The following CCNJL variants were observed in gnomAD, a reference collection of about 807,000 sequenced individuals.
The protein encoded by CCNJL is cyclin-J-like protein.
CCNJL carries 33 observed loss-of-function variants against 33.4 expected under a neutral mutation model. The observed-to-expected ratio is 0.99, with a 90% CI of 0.75 to 1.32. CCNJL has a LOEUF of 1.32. Among genes scored for constraint, CCNJL ranks in the 40% most tolerant of loss-of-function variants. The pLI, the probability that CCNJL is intolerant of heterozygous loss-of-function variation, is 0.00. For missense variants in CCNJL, 512 were observed against 499.7 expected, an observed-to-expected ratio of 1.02 and a Z score of -0.23; for synonymous variants, 227 against 220.9, an observed-to-expected ratio of 1.03 and a Z score of -0.24.
At chr5:160,330,694 C>T (rs1049027973) in intron 1 of CCNJL, among the ~76,000 whole-genome samples, 22 of 151,526 alleles carry the variant, frequency 1.5e-4, no homozygotes, top group Non-Finnish European at 2.4e-4. Flanking sequence ...GACAGAGTCT[C>T]CCTCTGTTAC....
At position 160,251,684 on chromosome 5, in the gene CCNJL, T is replaced by C. The variant is rs1128091; in HGVS notation, c.*1694A>G. On this transcript the variant is annotated 3_prime_UTR_variant, in exon 6 of 6. Coordinates refer to ENST00000257536, the MANE Select transcript of CCNJL (RefSeq NM_001308173.3). ...TCAAGAGCAGGTGACGTGTTTATTG[T>C]GGGACGCCTCTTTCTGGGGGTCGTG... is the stretch of plus-strand genomic sequence containing the variant. 6.6e-6 allele frequency: 1 copy of C among 152,144 alleles called. No individual in the cohort carries two copies. The allele number at this position is 152,144 out of a possible 1,614,324, so 9.4% of individuals were successfully genotyped here. A position where few individuals can be genotyped will look rare whatever the true frequency, so the allele number is the denominator to read the frequency against.
chr5:160,257,276 C>T (rs1443122538), intron 4 of CCNJL, among the ~76,000 whole-genome samples: 1 of 151,274 alleles, frequency 6.6e-6, no homozygotes, highest in East Asian at 2.0e-4. Context: ...GAGATCGAGA[C>T]CATCCTGGCT....
intron 3 of CCNJL, among the ~76,000 whole-genome samples, chr5:160,270,647 T>C (rs1246222553): frequency 6.6e-6 from 1 of 152,212 alleles, no homozygotes; most frequent in Non-Finnish European, 1.5e-5. Flanking sequence ...GGCTAGGATT[T>C]ACCCTCCACC....
In CCNJL at chr5:160,280,572, G is replaced by A. The variant is rs763372251; in HGVS notation, c.233C>T (p.Thr78Ile). The A allele has an allele frequency of 1.9e-6, 3 of 1,613,536 alleles. No individual in the cohort carries two copies. The highest frequency in any genetic ancestry group is 2.5e-6 in the Non-Finnish European group (3 of 1,180,032). Residue 78 changes from threonine to isoleucine, a missense_variant, in exon 3 of 6, where the codon ACC becomes ATC. Coordinates refer to ENST00000257536, the MANE Select transcript of CCNJL (RefSeq NM_001308173.3). ...DHFMDRYNVT[T>I]SKQLYTVAVS... is the part of the protein sequence containing the mutation. ...GGCCACGGTGTAGAGCTGCTTGGAGGTGGTGACGTTGTAGCGATCCATGAA... is the reference window on the plus strand; with the variant it reads ...GGCCACGGTGTAGAGCTGCTTGGAGATGGTGACGTTGTAGCGATCCATGAA...
chr5:160,280,518 C>T lies in CCNJL; in HGVS notation c.280+7G>A, dbSNP rs780953085. 3.7e-6 allele frequency: 6 copies of T among 1,610,106 alleles called. No individual in the cohort carries two copies. The East Asian group carries it at 6.7e-5, about 18-fold the overall frequency. Reference sequence around the variant, plus strand: ...AAGCGCGGAGGAAGACGTAGGTTTTCGCTTACTTGCAAGCAGGAGGCAGGA... The same window carrying T: ...AAGCGCGGAGGAAGACGTAGGTTTTTGCTTACTTGCAAGCAGGAGGCAGGA... On this transcript the variant is annotated splice_region_variant and intron_variant, in intron 3 of 5. Coordinates refer to ENST00000257536, the MANE Select transcript of CCNJL (RefSeq NM_001308173.3).
chr5:160,249,694 T>C lies in CCNJL; in HGVS notation c.*3684A>G, dbSNP rs1203410721. ...GGGAGGATCACTTGAGCCCAGAAGG[T>C]TGAAGCTGCAGTGAGCCGTGACTGT... On this transcript the variant is annotated 3_prime_UTR_variant, in exon 6 of 6. Transcript: ENST00000257536. 6.6e-6 allele frequency: 1 copy of C among 151,682 alleles called. No individual in the cohort carries two copies. The highest frequency in any genetic ancestry group is 1.9e-4 in the East Asian group (1 of 5,156). 9.4% of individuals were successfully genotyped at this position (151,682 alleles called of 1,614,324 possible). A position where few individuals can be genotyped will look rare whatever the true frequency, so the allele number is the denominator to read the frequency against.
At chr5:160,329,462 C>T (rs1455225781) in intron 1 of CCNJL, among the ~76,000 whole-genome samples, 4 of 151,746 alleles carry the variant, frequency 2.6e-5, no homozygotes, top group South Asian at 2.1e-4. Flanking sequence ...GCCATTCTCC[C>T]GCCTCAGACT....
intron 5 of CCNJL, 102 bp downstream of exon 5, chr5:160,255,447 C>G (rs1305259500): frequency 1.9e-6 from 2 of 1,081,072 alleles, no homozygotes; most frequent in African/African-American, 3.2e-5. Context: ...GAAGAACCAC[C>G]ACAAGTTCCA....
At chr5:160,336,561 G>A (rs1763686102) in intron 1 of CCNJL, among the ~76,000 whole-genome samples, 1 of 152,190 alleles carries the variant, frequency 6.6e-6, no homozygotes, top group Non-Finnish European at 1.5e-5. Flanking sequence ...CAGAACTGTG[G>A]GAGAATCCAT....
chr5:160,254,483 C>T (rs1159497613), intron 5 of CCNJL: 1 of 506,066 alleles, frequency 2.0e-6, no homozygotes, highest in Non-Finnish European at 3.5e-6. Context: ...TAAAATAAGG[C>T]CTACGGAGTA....
intron 1 of CCNJL, among the ~76,000 whole-genome samples, chr5:160,329,386 T>C (rs1763579155): frequency 6.6e-6 from 1 of 150,480 alleles, no homozygotes; most frequent in African/African-American, 2.5e-5. Flanking sequence ...AGTCTCGCTC[T>C]GTTGCCCAAG....
intron 3 of CCNJL, among the ~76,000 whole-genome samples, chr5:160,265,660 C>T (rs935647113): frequency 6.6e-6 from 1 of 151,328 alleles, no homozygotes; most frequent in Non-Finnish European, 1.5e-5. Context: ...TGCAATGCCC[C>T]AGCCTGGCCA....
intron 2 of CCNJL, among the ~76,000 whole-genome samples, chr5:160,309,010 A>G (rs1763181974): frequency 6.6e-6 from 1 of 152,218 alleles, no homozygotes; most frequent in African/African-American, 2.4e-5. Context: ...GCTTAAGAGC[A>G]ATGGCATGGA....
intron 2 of CCNJL, 167 bp from the exon 3 acceptor site, chr5:160,280,905 C>A: frequency 1.4e-6 from 1 of 701,900 alleles, no homozygotes; most frequent in Non-Finnish European, 2.6e-6. Context: ...TGGGCTATCT[C>A]CCATCTGCTT....
chr5:160,264,727 C>T (rs148572207), intron 3 of CCNJL, among the ~76,000 whole-genome samples: 2 of 152,050 alleles, frequency 1.3e-5, no homozygotes, highest in African/African-American at 4.8e-5. Flanking sequence ...ATTCCTAGGT[C>T]CCCCCTCTCC....
At chr5:160,330,100 A>G (rs1325578271) in intron 1 of CCNJL, among the ~76,000 whole-genome samples, 1 of 151,852 alleles carries the variant, frequency 6.6e-6, no homozygotes, top group African/African-American at 2.4e-5. Context: ...TTGAATCCTC[A>G]TGTCCCGCCT....
At chr5:160,259,830 CTAA>C in intron 3 of CCNJL, 59 bp from the exon 4 acceptor site, 1 of 1,439,744 alleles carries the variant, frequency 6.9e-7, no homozygotes, top group East Asian at 2.3e-5. Flanking sequence ...ACCCAGGAAG[CTAA>C]CGGCCCACCT....
intron 2 of CCNJL, among the ~76,000 whole-genome samples, chr5:160,310,209 C>T (rs1191560370): frequency 6.6e-6 from 1 of 152,228 alleles, no homozygotes; most frequent in Non-Finnish European, 1.5e-5. Flanking sequence ...CATTCAGCCA[C>T]CTCCTCCAGA....
At chr5:160,285,011 G>C (rs956986358) in intron 2 of CCNJL, among the ~76,000 whole-genome samples, 2 of 152,100 alleles carry the variant, frequency 1.3e-5, no homozygotes, top group Non-Finnish European at 2.9e-5. Context: ...GATCACTTGA[G>C]GTCAGGAGTT....
Sources: allele counts gnomAD v4.1 joint callset (sites outside exome capture counted in the v4.1 genomes callset), GRCh38; gene constraint gnomAD v4.1.1; transcripts MANE v1.5; gene names NCBI Gene and HGNC (gene_info 2026-07-23, HGNC 2026-07-21).